LY96: variants seen among roughly 807,000 people sequenced by gnomAD.
LY96 encodes myeloid differentiation protein-2.
Under a neutral mutation model 18.9 loss-of-function variants are expected in LY96, and 18 were observed. The ratio of observed to expected loss-of-function variants is 0.95; its 90% CI spans 0.66 to 1.41. The LOEUF (loss-of-function observed/expected upper bound fraction) is 1.41. Among genes scored for constraint, LY96 ranks in the 40% most tolerant of loss-of-function variants. LY96 has a pLI of 0.00. For synonymous variants in LY96, 66 were observed against 62.6 expected (o/e 1.06, Z -0.26); for missense variants, 175 against 182.4 (o/e 0.96, Z 0.23).
intron 4 of LY96, 100 bp downstream of exon 4, chr8:74,026,941 T>C: frequency 1.2e-5 from 3 of 254,348 alleles, no homozygotes; most frequent in Non-Finnish European, 2.3e-5. Context: ...TTTTTCTTTC[T>C]TTTTTTTTTT....
chr8:74,040,214 A>G, the LY96 span, among the ~76,000 whole-genome samples: 1 of 152,224 alleles, frequency 6.6e-6, no homozygotes, highest in East Asian at 1.9e-4. Context: ...AATGATTGAT[A>G]ATGTCCATGA....
the LY96 span, among the ~76,000 whole-genome samples, chr8:74,061,758 T>C: frequency 6.6e-6 from 1 of 152,242 alleles, no homozygotes; most frequent in South Asian, 2.1e-4. Context: ...TTTTCTTATA[T>C]TGTCAAATTG....
the LY96 span, among the ~76,000 whole-genome samples, chr8:74,085,152 T>C: frequency 6.6e-6 from 1 of 152,218 alleles, no homozygotes; most frequent in Non-Finnish European, 1.5e-5. Context: ...GTGTGTTGTC[T>C]CACAAAATGC....
chr8:74,099,811 C>A, the LY96 span: 1 of 152,292 alleles, frequency 6.6e-6, no homozygotes, highest in South Asian at 2.1e-4. Context: ...GGCCACCCTG[C>A]AGGCTGAAAC....
chr8:73,998,089 T>C (rs1816188351), intron 1 of LY96, among the ~76,000 whole-genome samples: 1 of 152,118 alleles, frequency 6.6e-6, no homozygotes, highest in Non-Finnish European at 1.5e-5. Context: ...GCTTGGTCTT[T>C]CTCATAACTG....
chr8:74,066,913 G>A, the LY96 span, among the ~76,000 whole-genome samples: 1 of 152,338 alleles, frequency 6.6e-6, no homozygotes, highest in African/African-American at 2.4e-5. Flanking sequence ...AGCTTTTAAG[G>A]CAAAAGAGAG....
chr8:74,061,650 A>G, the LY96 span, among the ~76,000 whole-genome samples: 1 of 152,256 alleles, frequency 6.6e-6, no homozygotes, highest in Admixed American at 6.5e-5. Flanking sequence ...GCTAAGTGGA[A>G]TTTTTTTCAA....
the LY96 span, among the ~76,000 whole-genome samples, chr8:74,051,907 T>C: frequency 1.3e-5 from 2 of 152,166 alleles, no homozygotes; most frequent in African/African-American, 4.8e-5. Flanking sequence ...GACAGTGGGG[T>C]TCAATTTTAC....
chr8:74,047,872 CTGTTT>C, the LY96 span, among the ~76,000 whole-genome samples: 1 of 147,072 alleles, frequency 6.8e-6, no homozygotes, highest in Non-Finnish European at 1.5e-5. Flanking sequence ...CCATTTCCCA[CTGTTT>C]TATTTTATTT....
chr8:74,096,479 T>G, the LY96 span, among the ~76,000 whole-genome samples: 1 of 152,186 alleles, frequency 6.6e-6, no homozygotes, highest in African/African-American at 2.4e-5. Context: ...CATCATGAAC[T>G]CCCTCACTTA....
the LY96 span, among the ~76,000 whole-genome samples, chr8:74,050,324 C>A: frequency 2.6e-5 from 4 of 151,974 alleles, no homozygotes; most frequent in African/African-American, 9.7e-5. Context: ...GCCTGGGTAA[C>A]AGAGCGAGAC....
the LY96 span, among the ~76,000 whole-genome samples, chr8:74,094,255 ATG>A: frequency 0.059 from 8,850 of 149,524 alleles, 363 homozygotes; most frequent in South Asian, 0.16. Context: ...GGGTGTGTGT[ATG>A]TGTGTGTGTG....
In LY96 at chr8:74,021,828, A is replaced by G. The variant is rs185125317; in HGVS notation, c.332-4961A>G. ...GAGCAAACTATTGTAAGGACAGAAA[A>G]CCAAACACTGCATATTCTCACTCAT... On this transcript the variant is annotated intron_variant, in intron 3 of 4. Coordinates refer to ENST00000284818, the MANE Select transcript of LY96 (RefSeq NM_015364.5). Among the ~76,000 whole-genome samples, 375 of 152,260 alleles carry G rather than the reference A, an allele frequency of 2.5e-3. 9 individuals carry two copies. Among genetic ancestry groups the G allele is most frequent in the Admixed American group, 0.023 (352 of 15,294 alleles).
chr8:74,040,167 G>A, the LY96 span, among the ~76,000 whole-genome samples: 1 of 152,296 alleles, frequency 6.6e-6, no homozygotes, highest in East Asian at 1.9e-4. Flanking sequence ...GCAACGAAGA[G>A]TAATATTAAA....
the LY96 span, among the ~76,000 whole-genome samples, chr8:74,043,462 A>G: frequency 2.0e-5 from 3 of 152,204 alleles, no homozygotes; most frequent in Non-Finnish European, 4.4e-5. Context: ...CAGGGACTGC[A>G]GTTGGGATAG....
chr8:74,041,706 A>AC, the LY96 span, among the ~76,000 whole-genome samples: 3,171 of 150,678 alleles, frequency 0.021, 40 homozygotes, highest in African/African-American at 0.05. Context: ...GGGTGGGGAA[A>AC]CCCCCCCCAC....
the LY96 span, among the ~76,000 whole-genome samples, chr8:74,036,257 A>G: frequency 6.6e-6 from 1 of 152,234 alleles, no homozygotes; most frequent in Non-Finnish European, 1.5e-5. Context: ...AAAGTCCACA[A>G]GATTAGAATT....
chr8:74,019,099 C>CA (rs1208714739), intron 3 of LY96, among the ~76,000 whole-genome samples: 2 of 151,762 alleles, frequency 1.3e-5, no homozygotes, highest in Non-Finnish European at 2.9e-5. Flanking sequence ...GAGATAGAGA[C>CA]AAAAAAACCC....
intron 1 of LY96, among the ~76,000 whole-genome samples, chr8:73,998,102 C>T (rs1000397506): frequency 5.9e-5 from 9 of 152,094 alleles, no homozygotes; most frequent in African/African-American, 2.2e-4. Flanking sequence ...CATAACTGGC[C>T]CTTATCCAGG....
Sources: allele counts gnomAD v4.1 joint callset (sites outside exome capture counted in the v4.1 genomes callset), GRCh38; gene constraint gnomAD v4.1.1; transcripts MANE v1.5; gene names NCBI Gene and HGNC (gene_info 2026-07-23, HGNC 2026-07-21).